Variants in UNC5D observed in about 807,000 individuals in gnomAD.
The protein encoded by UNC5D is unc-5 netrin receptor D.
A neutral mutation model predicts 105.4 loss-of-function variants in UNC5D; 39 were observed. The observed-to-expected ratio is 0.37, with a 90% CI of 0.29 to 0.48. UNC5D has a LOEUF of 0.48. Ranked by LOEUF, UNC5D falls within the 20% of genes least tolerant of loss-of-function variation. The probability of loss-of-function intolerance (pLI) is 0.98; values close to 1 mark genes in which losing one functional copy is unlikely to be tolerated. For missense variants in UNC5D, 991 were observed against 1,202.4 expected, an observed-to-expected ratio of 0.82 and a Z score of 2.60; for synonymous variants, 452 against 450.4, an observed-to-expected ratio of 1.00 and a Z score of -0.04.
chr8:35,774,657 C>T (rs570919661), intron 16 of UNC5D, among the ~76,000 whole-genome samples, 180 bp downstream of exon 16: 4 of 152,228 alleles, frequency 2.6e-5, no homozygotes, highest in South Asian at 4.2e-4. Context: ...GTAGGCCAAG[C>T]GTGGTGGCTC....
intron 1 of UNC5D, among the ~76,000 whole-genome samples, chr8:35,291,989 T>G (rs968317826): frequency 6.6e-6 from 1 of 152,204 alleles, no homozygotes; most frequent in African/African-American, 2.4e-5. Context: ...CACCCGCTGG[T>G]TTTCTTCTAG....
At chr8:35,629,840 C>G (rs578056331) in intron 4 of UNC5D, among the ~76,000 whole-genome samples, 1 of 152,208 alleles carries the variant, frequency 6.6e-6, no homozygotes, top group Admixed American at 6.5e-5. Flanking sequence ...ATTATCCCCC[C>G]ACCCCAGGTC....
At chr8:35,631,606 G>A (rs1563611669) in intron 4 of UNC5D, among the ~76,000 whole-genome samples, 2 of 152,272 alleles carry the variant, frequency 1.3e-5, no homozygotes, top group East Asian at 3.9e-4. Flanking sequence ...GCAGAAAAGG[G>A]CCGAAGTTGC....
intron 1 of UNC5D, among the ~76,000 whole-genome samples, chr8:35,248,914 AAAC>A (rs1257920115): frequency 2.2e-5 from 2 of 92,520 alleles, no homozygotes; most frequent in African/African-American, 9.6e-5. Flanking sequence ...TATTATATAT[AAAC>A]ATATATAATA....
intron 1 of UNC5D, among the ~76,000 whole-genome samples, chr8:35,453,283 C>G (rs1391167467): frequency 6.6e-6 from 1 of 152,032 alleles, no homozygotes; most frequent in Non-Finnish European, 1.5e-5. Flanking sequence ...ACCAGTGAGA[C>G]CATCTGTGCA....
chr8:35,317,294 G>T (rs1392268058), intron 1 of UNC5D, among the ~76,000 whole-genome samples: 1 of 152,086 alleles, frequency 6.6e-6, no homozygotes, highest in Non-Finnish European at 1.5e-5. Flanking sequence ...AAGTCTGTTT[G>T]CTGATAGATA....
intron 1 of UNC5D, among the ~76,000 whole-genome samples, chr8:35,324,233 CAAAAAAA>C (rs569409228): frequency 1.6e-5 from 1 of 62,802 alleles, no homozygotes; most frequent in African/African-American, 6.4e-5. Context: ...ACCCTGTCTC[CAAAAAAA>C]AAAAAAAAAA....
chr8:35,550,416 G>C (rs973154767), intron 2 of UNC5D, among the ~76,000 whole-genome samples: 1 of 152,096 alleles, frequency 6.6e-6, no homozygotes, highest in Admixed American at 6.5e-5. Flanking sequence ...CTGGTCACAC[G>C]TTAGATTGTT....
intron 1 of UNC5D, among the ~76,000 whole-genome samples, chr8:35,322,212 A>G (rs1480084189): frequency 6.6e-6 from 1 of 151,960 alleles, no homozygotes; most frequent in Non-Finnish European, 1.5e-5. Context: ...TTGGCCATGG[A>G]TTTCTCTTTT....
At chr8:35,760,384 G>A (rs1402333757) in intron 14 of UNC5D, among the ~76,000 whole-genome samples, 1 of 151,350 alleles carries the variant, frequency 6.6e-6, no homozygotes, top group Non-Finnish European at 1.5e-5. Flanking sequence ...AATATCTAAA[G>A]ATACTTATTA....
Position 35,262,367 on chromosome 8 carries a change from G to C in UNC5D, c.103+26480G>C, listed in dbSNP as rs1563259422. Among the ~76,000 whole-genome samples the C allele has an allele frequency of 3.3e-5, 5 of 152,264 alleles. No individual in the cohort carries two copies. The South Asian group carries it at 1.0e-3, about 32-fold the overall frequency. On this transcript the variant is annotated intron_variant, in intron 1 of 16. Transcript: ENST00000404895. ...ATAGATATTGACTGTTTCAAAGATT[G>C]TGTGAATATTTGCCCAATAGGCAGC... is the stretch of plus-strand genomic sequence containing the variant.
chr8:35,278,796 C>T (rs1004920042), intron 1 of UNC5D, among the ~76,000 whole-genome samples: 1 of 152,052 alleles, frequency 6.6e-6, no homozygotes, highest in Admixed American at 6.6e-5. Context: ...TAACTATAGT[C>T]ATCATGCTGT....
intron 4 of UNC5D, among the ~76,000 whole-genome samples, chr8:35,648,969 G>A (rs972041370): frequency 2.2e-4 from 34 of 151,844 alleles, no homozygotes; most frequent in African/African-American, 7.0e-4. Flanking sequence ...ACCTATATAG[G>A]GTCTAGTAAG....
intron 1 of UNC5D, among the ~76,000 whole-genome samples, chr8:35,305,871 C>CTCTT (rs1276949536): frequency 4.1e-4 from 55 of 134,058 alleles, no homozygotes; most frequent in African/African-American, 1.2e-3. Flanking sequence ...CCCTCCCTCC[C>CTCTT]TCTTTCTTTC....
chr8:35,746,086 C>T (rs1013217066), intron 11 of UNC5D, among the ~76,000 whole-genome samples: 2 of 152,114 alleles, frequency 1.3e-5, no homozygotes, highest in African/African-American at 2.4e-5. Context: ...TTGTAACCCC[C>T]TTCCCCAGTC....
intron 1 of UNC5D, among the ~76,000 whole-genome samples, chr8:35,441,837 C>T (rs1807422883): frequency 6.6e-6 from 1 of 151,336 alleles, no homozygotes; most frequent in African/African-American, 2.4e-5. Context: ...CATCGTCTGA[C>T]CATTATTCAT....
intron 4 of UNC5D, among the ~76,000 whole-genome samples, chr8:35,601,800 C>T (rs1819904900): frequency 6.6e-6 from 1 of 152,222 alleles, no homozygotes; most frequent in Middle Eastern, 3.4e-3. Context: ...TTTCCTTCTC[C>T]TGCCTGATTG....
chr8:35,337,370 T>C (rs749922890), intron 1 of UNC5D, among the ~76,000 whole-genome samples: 5 of 152,244 alleles, frequency 3.3e-5, no homozygotes, highest in Non-Finnish European at 7.3e-5. Context: ...TGGCAGTGTC[T>C]TACTTAGATC....
chr8:35,703,670 T>C (rs1410013009), intron 7 of UNC5D, among the ~76,000 whole-genome samples: 2 of 152,252 alleles, frequency 1.3e-5, no homozygotes, highest in Non-Finnish European at 2.9e-5. Flanking sequence ...GGCATAGTTA[T>C]ATATCTCACC....
Sources: allele counts gnomAD v4.1 joint callset (sites outside exome capture counted in the v4.1 genomes callset), GRCh38; gene constraint gnomAD v4.1.1; transcripts MANE v1.5; gene names NCBI Gene and HGNC (gene_info 2026-07-23, HGNC 2026-07-21).